The following LPP variants were observed in gnomAD, a reference collection of about 807,000 sequenced individuals.
The protein encoded by LPP is LIM domain containing preferred translocation partner in lipoma.
LPP carries 38 observed loss-of-function variants against 60.4 expected under a neutral mutation model. The ratio of observed to expected loss-of-function variants is 0.63; its 90% CI spans 0.49 to 0.83. The LOEUF (loss-of-function observed/expected upper bound fraction) is 0.83, where lower values mean the gene tolerates loss of function less well. LPP is among the 40% of genes least tolerant of loss of function. The probability of loss-of-function intolerance (pLI) is 0.00; values close to 1 mark genes in which losing one functional copy is unlikely to be tolerated. For missense variants in LPP, 902 were observed against 783.6 expected, an observed-to-expected ratio of 1.15 and a Z score of -1.80; for synonymous variants, 328 against 290.8, an observed-to-expected ratio of 1.13 and a Z score of -1.30.
Position 188,354,279 on chromosome 3 carries a change from A to C in LPP, c.-10+12560A>C, listed in dbSNP as rs187461930. ...GGCAAAGCTGATCTGTAGTGAATGTAACATCTTGTTAAATACAGGTTTCAT... is the reference window on the plus strand; with the variant it reads ...GGCAAAGCTGATCTGTAGTGAATGTCACATCTTGTTAAATACAGGTTTCAT... On this transcript the variant is annotated intron_variant, in intron 3 of 11. Coordinates refer to ENST00000617246, the MANE Select transcript of LPP (RefSeq NM_001375462.1). Among the ~76,000 whole-genome samples, 37 of 152,336 alleles carry C rather than the reference A, an allele frequency of 2.4e-4. 1 individual carries two copies. Among genetic ancestry groups the C allele is most frequent in the African/African-American group, 6.7e-4 (28 of 41,574 alleles).
chr3:188,280,527 AG>A (rs775845315), intron 2 of LPP, among the ~76,000 whole-genome samples: 12 of 152,158 alleles, frequency 7.9e-5, no homozygotes, highest in Non-Finnish European at 1.6e-4. Context: ...TGAGGAGACG[AG>A]GAAATAGGTA....
chr3:188,783,688 T>A (rs1235957378), intron 9 of LPP, among the ~76,000 whole-genome samples: 1 of 150,014 alleles, frequency 6.7e-6, no homozygotes, highest in Admixed American at 6.7e-5. Context: ...CCTTCACATA[T>A]ACCCCTGAAC....
At chr3:188,472,698 G>A (rs1459912040) in intron 4 of LPP, 1 of 152,138 alleles carries the variant, frequency 6.6e-6, no homozygotes, top group African/African-American at 2.4e-5. Context: ...CCAACATTGG[G>A]GAAAAGGAAG....
rs146821543 is a variant in LPP at position 188,853,123 on chromosome 3, C to G, written c.1411-13077C>G. Among the ~76,000 whole-genome samples the G allele has an allele frequency of 2.3e-4, 35 of 151,620 alleles. 1 individual carries two copies. The East Asian group carries it at 5.6e-3, about 24-fold the overall frequency. On this transcript the variant is annotated intron_variant, in intron 9 of 11. Transcript: ENST00000617246. The stretch of plus-strand genomic sequence containing the variant: ...CGAGATTGTGCCAGTGCACTACAGA[C>G]TGGGCAAAAAGAGGGAGACTCTGTC...
In LPP at chr3:188,609,848, A is replaced by G. The variant is rs755554197; in HGVS notation, c.1113+4A>G. 9.3e-6 allele frequency: 15 copies of G among 1,605,536 alleles called. No individual in the cohort carries two copies. Among genetic ancestry groups the G allele is most frequent in the East Asian group, 4.5e-5 (2 of 44,840 alleles). ...TGCGCCACCATTGCAGCCAAAGGTA[A>G]GAAACTCAGTAACATAAGGAGGAGA... On this transcript the variant is annotated splice_donor_region_variant and intron_variant, in intron 7 of 11. Coordinates refer to ENST00000617246, the MANE Select transcript of LPP (RefSeq NM_001375462.1). The surrounding 1 kb of genome is among the most constrained non-coding windows in gnomAD (Gnocchi z 6.9).
intron 9 of LPP, among the ~76,000 whole-genome samples, chr3:188,802,086 A>C: frequency 6.6e-6 from 1 of 152,172 alleles, no homozygotes; most frequent in East Asian, 1.9e-4. Context: ...AAAAAGAAAA[A>C]GGATGTAACT....
At chr3:188,748,961 G>A (rs1053305972) in intron 8 of LPP, among the ~76,000 whole-genome samples, 3 of 152,092 alleles carry the variant, frequency 2.0e-5, no homozygotes, top group Non-Finnish European at 2.9e-5. Flanking sequence ...AACCCACTCA[G>A]TACCCCATGT....
rs1553906193 is a variant in LPP at position 188,466,834 on chromosome 3, T to TAGATATAG, written c.194-17757_194-17756insGATATAGA. On this transcript the variant is annotated intron_variant, in intron 4 of 11. Coordinates refer to ENST00000617246, the MANE Select transcript of LPP (RefSeq NM_001375462.1). ...ATATATATATATATATATATATATA[T>TAGATATAG]ATATATATGCTGTGTAAACTCCACC... Among the ~76,000 whole-genome samples, 2 of 126,154 alleles carry TAGATATAG rather than the reference T, an allele frequency of 1.6e-5. 1 individual carries two copies. Among genetic ancestry groups the TAGATATAG allele is most frequent in the Non-Finnish European group, 3.3e-5 (2 of 60,714 alleles). The allele number at this position is 126,154 out of a possible 152,430, so 82.8% of individuals were successfully genotyped here.
intron 3 of LPP, among the ~76,000 whole-genome samples, chr3:188,366,211 G>A (rs2151003100): frequency 6.6e-6 from 1 of 152,288 alleles, no homozygotes; most frequent in Non-Finnish European, 1.5e-5. Context: ...TAAATGACAG[G>A]ATTTCCTTCT....
chr3:188,396,258 A>G (rs539212763), intron 3 of LPP, among the ~76,000 whole-genome samples: 3 of 152,352 alleles, frequency 2.0e-5, no homozygotes, highest in East Asian at 3.9e-4. Flanking sequence ...TTTTCAAGTT[A>G]TAACTAAAAT....
Position 188,886,565 on chromosome 3 carries a change from A to G in LPP, c.*12086A>G. On this transcript the variant is annotated 3_prime_UTR_variant, in exon 12 of 12. Transcript: ENST00000617246. Reference sequence around the variant, plus strand: ...ATGAGGTGGTAAATGTGAAAAAAGCAGCCTTTTAGAAAAACATTATTTTCA... The same window carrying G: ...ATGAGGTGGTAAATGTGAAAAAAGCGGCCTTTTAGAAAAACATTATTTTCA... 1 of 203,536 alleles carries G rather than the reference A, an allele frequency of 4.9e-6. No individual in the cohort carries two copies. The highest frequency in any genetic ancestry group is 7.5e-5 in the East Asian group (1 of 13,296). 12.6% of individuals were successfully genotyped at this position (203,536 alleles called of 1,614,324 possible).
intron 4 of LPP, among the ~76,000 whole-genome samples, chr3:188,410,577 C>T (rs571720137): frequency 1.3e-5 from 2 of 152,152 alleles, no homozygotes; most frequent in Admixed American, 1.3e-4. Flanking sequence ...TCTCAGGGTC[C>T]TTTTATTTTA....
intron 1 of LPP, among the ~76,000 whole-genome samples, chr3:188,169,151 T>C (rs1372906269): frequency 6.6e-6 from 1 of 152,266 alleles, no homozygotes; most frequent in African/African-American, 2.4e-5. Context: ...TCTTTTCTTT[T>C]TTCTTCAATC....
chr3:188,216,967 G>C (rs977994136), intron 1 of LPP, among the ~76,000 whole-genome samples: 3 of 152,180 alleles, frequency 2.0e-5, no homozygotes, highest in Non-Finnish European at 4.4e-5. Context: ...AATCTTTATT[G>C]AGTTTCCACT....
At chr3:188,449,051 G>T (rs1249681074) in intron 4 of LPP, among the ~76,000 whole-genome samples, 3 of 152,178 alleles carry the variant, frequency 2.0e-5, no homozygotes, top group African/African-American at 7.2e-5. Flanking sequence ...TTGGTTTATT[G>T]TGTGGTAGGA....
intron 9 of LPP, among the ~76,000 whole-genome samples, chr3:188,825,835 T>C (rs1755334116): frequency 6.6e-6 from 1 of 152,148 alleles, no homozygotes; most frequent in South Asian, 2.1e-4. Flanking sequence ...AAATCTCTTC[T>C]CCCATCTTGA....
At chr3:188,441,138 G>T (rs1261478670) in intron 4 of LPP, among the ~76,000 whole-genome samples, 3 of 151,894 alleles carry the variant, frequency 2.0e-5, no homozygotes, top group Non-Finnish European at 2.9e-5. Context: ...TGCTATCATT[G>T]AATTCTTACA....
intron 8 of LPP, among the ~76,000 whole-genome samples, chr3:188,748,340 A>T (rs771581470): frequency 2.4e-4 from 37 of 152,220 alleles, no homozygotes; most frequent in Middle Eastern, 3.4e-3. Flanking sequence ...TAGGGCTGAG[A>T]TTACTATTTC....
In LPP at chr3:188,203,134, TATTATA is replaced by T. The variant is rs1731559981; in HGVS notation, c.-189-22264_-189-22259del. On this transcript the variant is annotated intron_variant, in intron 1 of 11. Coordinates refer to ENST00000617246, the MANE Select transcript of LPP (RefSeq NM_001375462.1). ...TAATATAAATATAAAATGTATATTA[TATTATA>T]ATTATATATAATTATATTGTAATTA... 7.1e-5 allele frequency among the ~76,000 whole-genome samples: 10 copies of T among 139,888 alleles called. No individual in the cohort carries two copies. In the South Asian group the frequency reaches 2.1e-3, roughly 30 times the overall value. 91.8% of individuals were successfully genotyped at this position (139,888 alleles called of 152,430 possible).
Sources: allele counts gnomAD v4.1 joint callset (sites outside exome capture counted in the v4.1 genomes callset), GRCh38; gene constraint gnomAD v4.1.1; non-coding constraint Gnocchi (gnomAD v3.1); transcripts MANE v1.5; gene names NCBI Gene and HGNC (gene_info 2026-07-23, HGNC 2026-07-21).